The following RSU1 variants were observed in gnomAD, a reference collection of about 807,000 sequenced individuals.
RSU1 encodes Ras suppressor protein 1, also known as rsu-1.
Under a neutral mutation model 31.1 loss-of-function variants are expected in RSU1, and 26 were observed. That is an observed-to-expected ratio of 0.84 (90% confidence interval 0.61 to 1.16). RSU1 has a LOEUF of 1.16. Among genes scored for constraint, RSU1 ranks in the 50% most tolerant of loss-of-function variants. The probability of loss-of-function intolerance (pLI) is 0.00; values close to 1 mark genes in which losing one functional copy is unlikely to be tolerated. For missense variants in RSU1, 320 were observed against 339.1 expected (o/e 0.94, Z 0.44); for synonymous variants, 164 against 136.3 (o/e 1.20, Z -1.41).
intron 2 of RSU1, among the ~76,000 whole-genome samples, chr10:16,804,315 C>T (rs541856810): frequency 6.6e-6 from 1 of 152,162 alleles, no homozygotes; most frequent in South Asian, 2.1e-4. Context: ...ACCAACAACA[C>T]CAAATGCTGG....
intron 7 of RSU1, among the ~76,000 whole-genome samples, chr10:16,715,516 G>T (rs1836122837): frequency 6.6e-6 from 1 of 152,030 alleles, no homozygotes; most frequent in African/African-American, 2.4e-5. Context: ...TCATTCTTTT[G>T]CATATGCCTA....
At chr10:16,650,183 ATC>A (rs1230760498) in intron 8 of RSU1, among the ~76,000 whole-genome samples, 7 of 152,240 alleles carry the variant, frequency 4.6e-5, no homozygotes, top group Admixed American at 3.3e-4. Context: ...AGCTGAGACT[ATC>A]TCTAGCTCAC....
intron 7 of RSU1, among the ~76,000 whole-genome samples, chr10:16,737,197 C>T (rs72771310): frequency 0.015 from 2,273 of 151,724 alleles, 28 homozygotes; most frequent in Non-Finnish European, 0.022. Context: ...AAATTACTAA[C>T]CTACCAACCA....
chr10:16,817,150 C>G lies in RSU1; in HGVS notation c.-3-66G>C, dbSNP rs1461331934. 47 of 1,130,500 alleles carry G rather than the reference C, an allele frequency of 4.2e-5. 1 individual carries two copies. In the South Asian group the frequency reaches 5.4e-4, roughly 13 times the overall value. 70.0% of individuals were successfully genotyped at this position (1,130,500 alleles called of 1,614,324 possible). On this transcript the variant is annotated intron_variant, in intron 1 of 8. Transcript: ENST00000345264. ...AGCGCAGAGGCGGAAAGGCAAGAGG[C>G]CTTCGCTGCCACTCTGAGGCTTCCC...
At chr10:16,689,841 G>A (rs1480864932) in intron 8 of RSU1, among the ~76,000 whole-genome samples, 4 of 152,212 alleles carry the variant, frequency 2.6e-5, no homozygotes, top group East Asian at 1.9e-4. Context: ...GCAGAATGAC[G>A]AGGAAGCATC....
chr10:16,642,024 G>A (rs1239870817), intron 8 of RSU1, among the ~76,000 whole-genome samples: 1 of 152,048 alleles, frequency 6.6e-6, no homozygotes, highest in Non-Finnish European at 1.5e-5. Context: ...TCATAAACTT[G>A]GTATTACAGG....
At chr10:16,700,837 G>A (rs1263038500) in intron 7 of RSU1, among the ~76,000 whole-genome samples, 1 of 152,176 alleles carries the variant, frequency 6.6e-6, no homozygotes, top group African/African-American at 2.4e-5. Context: ...ATGCTATTCA[G>A]TTATTAAAAC....
intron 2 of RSU1, among the ~76,000 whole-genome samples, chr10:16,791,296 T>G (rs979500594): frequency 2.0e-5 from 3 of 151,956 alleles, no homozygotes; most frequent in Admixed American, 1.3e-4. Context: ...CAAAGTGCTG[T>G]GATTACAGGC....
In RSU1 at chr10:16,695,160, G is replaced by GC. The variant is rs767958370; in HGVS notation, c.599-6_599-5insG. The GC allele has an allele frequency of 1.6e-5, 24 of 1,476,270 alleles. No homozygotes were observed. In the East Asian group the frequency reaches 1.8e-4, roughly 11 times the overall value. 91.4% of individuals were successfully genotyped at this position (1,476,270 alleles called of 1,614,324 possible). A position where few individuals can be genotyped will look rare whatever the true frequency, so the allele number is the denominator to read the frequency against. On this transcript the variant is annotated splice_polypyrimidine_tract_variant and splice_region_variant and intron_variant, in intron 7 of 8. Transcript: ENST00000345264. Reference sequence around the variant, plus strand: ...GGCCAGTTAAATCCAAGTTTCCTGGGGGGGGGGAAAAAAAAAGTGAAGGTC... The same window carrying GC: ...GGCCAGTTAAATCCAAGTTTCCTGGGCGGGGGGGAAAAAAAAAGTGAAGGTC...
At chr10:16,722,927 T>C (rs901993684) in intron 7 of RSU1, among the ~76,000 whole-genome samples, 18 of 147,580 alleles carry the variant, frequency 1.2e-4, no homozygotes, top group Middle Eastern at 3.6e-3. Context: ...TATGTATATA[T>C]ACACACATAT....
chr10:16,703,389 T>C (rs942239509), intron 7 of RSU1, among the ~76,000 whole-genome samples: 2 of 152,212 alleles, frequency 1.3e-5, no homozygotes, highest in Admixed American at 6.5e-5. Context: ...CGATTTCTAT[T>C]AAGAGTTGTA....
At chr10:16,758,523 G>A (rs972959816) in intron 4 of RSU1, among the ~76,000 whole-genome samples, 12 of 152,160 alleles carry the variant, frequency 7.9e-5, no homozygotes, top group African/African-American at 1.4e-4. Flanking sequence ...TGAGGAGACC[G>A]GCTCCAGCAC....
chr10:16,795,353 C>CAAAAAAAAAAAAAAAAAAACAAAAAAA (rs1838007687), intron 2 of RSU1, among the ~76,000 whole-genome samples: 1 of 75,240 alleles, frequency 1.3e-5, no homozygotes, highest in Non-Finnish European at 2.7e-5. Context: ...GACTCCATCT[C>CAAAAAAAAAAAAAAAAAAACAAAAAAA]AAAAAAAAAA....
chr10:16,785,190 C>T (rs951591117), intron 2 of RSU1, among the ~76,000 whole-genome samples: 1 of 151,964 alleles, frequency 6.6e-6, no homozygotes, highest in African/African-American at 2.4e-5. Context: ...GGATATAAAG[C>T]AGGTAGAAAA....
At chr10:16,736,054 G>T (rs1274935086) in intron 7 of RSU1, among the ~76,000 whole-genome samples, 1 of 152,164 alleles carries the variant, frequency 6.6e-6, no homozygotes, top group African/African-American at 2.4e-5. Context: ...TGAATTGAAA[G>T]GACAGAAATC....
chr10:16,777,188 A>G (rs12572814), intron 3 of RSU1, among the ~76,000 whole-genome samples: 7,130 of 152,214 alleles, frequency 0.047, 220 homozygotes, highest in East Asian at 0.14. Flanking sequence ...CACAAAATAC[A>G]CATTTTCCTG....
In RSU1 at chr10:16,593,295, C is replaced by G; in HGVS notation, c.*99G>C. 1 of 1,554,028 alleles carries G rather than the reference C, an allele frequency of 6.4e-7. No individual in the cohort carries two copies. Among genetic ancestry groups the G allele is most frequent in the Non-Finnish European group, 8.7e-7 (1 of 1,151,486 alleles). On this transcript the variant is annotated 3_prime_UTR_variant, in exon 9 of 9. Transcript: ENST00000345264. ...GAGTGAAAAGAAAAATAAAAAAGGC[C>G]TCACACGCAGCATTGGGTTTATTTG...
intron 8 of RSU1, among the ~76,000 whole-genome samples, chr10:16,689,500 C>T (rs1835500569): frequency 6.6e-6 from 1 of 152,172 alleles, no homozygotes; most frequent in African/African-American, 2.4e-5. Context: ...AACAGGTTTG[C>T]ACAGCATGCA....
chr10:16,693,774 A>G (rs2131561340), intron 8 of RSU1, among the ~76,000 whole-genome samples: 1 of 152,194 alleles, frequency 6.6e-6, no homozygotes, highest in East Asian at 1.9e-4. Context: ...AAATGGAAGG[A>G]TTGCCTCAGC....
Sources: allele counts gnomAD v4.1 joint callset (sites outside exome capture counted in the v4.1 genomes callset), GRCh38; gene constraint gnomAD v4.1.1; transcripts MANE v1.5; gene names NCBI Gene and HGNC (gene_info 2026-07-23, HGNC 2026-07-21).